GK: variants seen among roughly 807,000 people sequenced by gnomAD.
GK encodes the protein glycerol kinase, also known as ATP:glycerol 3-phosphotransferase.
GK carries 9 observed loss-of-function variants against 56.4 expected under a neutral mutation model. That is an observed-to-expected ratio of 0.16 (90% CI 0.10 to 0.28). GK has a LOEUF of 0.28. Ranked by LOEUF, GK falls within the 10% of genes least tolerant of loss-of-function variation. The pLI is 1.00. For synonymous variants in GK, 104 were observed against 144.1 expected, an observed-to-expected ratio of 0.72 and a Z score of 1.99; for missense variants, 161 against 431.4, an observed-to-expected ratio of 0.37 and a Z score of 5.55.
chrX:30,692,268 A>G (rs1934979606), intron 5 of GK, among the ~76,000 whole-genome samples: 1 of 110,357 alleles, frequency 9.1e-6, no homozygotes, highest in African/African-American at 3.3e-5. Context: ...ACCCTGCCCA[A>G]TCCTCATCCT....
chrX:30,653,951 C>T (rs775512502), intron 1 of GK, among the ~76,000 whole-genome samples: 19 of 112,841 alleles, frequency 1.7e-4, no homozygotes, highest in East Asian at 5.6e-4. Context: ...GACAGGTGGC[C>T]ACATTGACGG....
chrX:30,706,813 C>T (rs1453891650), intron 11 of GK, among the ~76,000 whole-genome samples: 1 of 111,570 alleles, frequency 9.0e-6, no homozygotes, highest in Non-Finnish European at 1.9e-5. Flanking sequence ...ACTCTGTATC[C>T]AGCCTCCCCA....
intron 4 of GK, among the ~76,000 whole-genome samples, chrX:30,690,427 A>G (rs1247651807): frequency 8.9e-6 from 1 of 112,198 alleles, no homozygotes; most frequent in Non-Finnish European, 1.9e-5. Context: ...ACATGAAGTA[A>G]AACAGAAATC....
chrX:30,717,652 A>G (rs1188737060), intron 13 of GK, among the ~76,000 whole-genome samples: 1 of 112,226 alleles, frequency 8.9e-6, no homozygotes, highest in Non-Finnish European at 1.9e-5. Flanking sequence ...GCATGTATTA[A>G]GACATCATTC....
intron 9 of GK, 35 bp downstream of exon 9, chrX:30,697,784 A>G: frequency 9.4e-7 from 1 of 1,069,085 alleles, no homozygotes; most frequent in Non-Finnish European, 1.3e-6. Context: ...GTACCCATTC[A>G]TTTGGAAAAG....
intron 20 of GK, 140 bp downstream of exon 20, chrX:30,727,692 A>T: frequency 2.2e-6 from 1 of 464,255 alleles, no homozygotes; most frequent in South Asian, 3.3e-5. Context: ...AATTAGTTAG[A>T]CCAATTAATC....
chrX:30,693,704 A>G (rs1935100566), intron 5 of GK, among the ~76,000 whole-genome samples: 1 of 110,267 alleles, frequency 9.1e-6, no homozygotes, highest in African/African-American at 3.3e-5. Flanking sequence ...GTGTGCTACT[A>G]TGCCCAGCTA....
At chrX:30,726,691 G>A (rs756574076) in intron 19 of GK, among the ~76,000 whole-genome samples, 5 of 111,638 alleles carry the variant, frequency 4.5e-5, no homozygotes, top group South Asian at 3.7e-4. Flanking sequence ...AATGCTAGTT[G>A]TATTCCTTTA....
intron 3 of GK, chrX:30,672,120 T>G (rs1933552726): frequency 1.1e-5 from 1 of 90,381 alleles, no homozygotes; most frequent in Non-Finnish European, 2.1e-5. Flanking sequence ...GATCATGCCA[T>G]TGTACTCCAG....
intron 16 of GK, among the ~76,000 whole-genome samples, 182 bp downstream of exon 16, chrX:30,720,277 G>A (rs1051760090): frequency 3.6e-5 from 4 of 111,997 alleles, no homozygotes; most frequent in African/African-American, 1.3e-4. Flanking sequence ...TACCTTCTAA[G>A]TTCCTGTTCC....
chrX:30,670,173 G>A (rs1601880840), intron 3 of GK, among the ~76,000 whole-genome samples: 1 of 111,518 alleles, frequency 9.0e-6, no homozygotes, highest in Admixed American at 9.6e-5. Context: ...CAAATAATAG[G>A]CAATCAGTAG....
chrX:30,664,064 ATTT>A (rs763830163), intron 1 of GK, among the ~76,000 whole-genome samples: 2 of 37,404 alleles, frequency 5.3e-5, no homozygotes, highest in Non-Finnish European at 1.1e-4. Context: ...ATCTATATAT[ATTT>A]TATAGATATA....
chrX:30,708,159 A>T (rs1471298143), intron 13 of GK, 25 bp downstream of exon 13: 2 of 749,361 alleles, frequency 2.7e-6, no homozygotes, highest in South Asian at 2.3e-5. Flanking sequence ...ATCAATATGG[A>T]TAATATGACA....
chrX:30,664,608 G>T (rs1007040162), intron 1 of GK, among the ~76,000 whole-genome samples: 1 of 109,704 alleles, frequency 9.1e-6, no homozygotes, highest in East Asian at 2.8e-4. Flanking sequence ...TTTATATCAA[G>T]GGTCAGCAAT....
chrX:30,715,403 A>G (rs1365521280), intron 13 of GK, among the ~76,000 whole-genome samples: 2 of 112,200 alleles, frequency 1.8e-5, no homozygotes, highest in Non-Finnish European at 3.8e-5. Context: ...TTGCCCTGTT[A>G]TAATTTAATT....
chrX:30,704,251 C>A (rs188296427), intron 11 of GK, among the ~76,000 whole-genome samples: 23 of 104,925 alleles, frequency 2.2e-4, no homozygotes, highest in African/African-American at 7.6e-4. Context: ...CCCCTCTCAG[C>A]CTCCTGAGTA....
intron 1 of GK, among the ~76,000 whole-genome samples, chrX:30,663,769 A>G (rs1456003143): frequency 9.3e-6 from 1 of 108,057 alleles, no homozygotes; most frequent in Non-Finnish European, 1.9e-5. Context: ...TAGGCATGGA[A>G]ACACTTTACT....
chrX:30,667,017 GGTGGCGGGCGCCTA>G (rs1387659096), intron 2 of GK, among the ~76,000 whole-genome samples: 1 of 110,747 alleles, frequency 9.0e-6, no homozygotes, highest in Non-Finnish European at 1.9e-5. Context: ...AGCCGGGCGT[GGTGGCGGGCGCCTA>G]TAGTCCCAGC....
rs901753431 is a variant in GK at position 30,731,190 on chromosome X, CAT to C, written c.*2449_*2450del. 5.3e-5 allele frequency: 6 copies of C among 112,168 alleles called. No individual in the cohort carries two copies. The highest frequency in any genetic ancestry group is 1.9e-4 in the African/African-American group (6 of 30,890). The allele number at this position is 112,168 out of a possible 1,213,427, so 9.2% of individuals were successfully genotyped here. ...GGGATATCTTTTGGGTATCTGGTAT[CAT>C]GTGGGAGTGAAGAAAGAAAGTTTTT... On this transcript the variant is annotated 3_prime_UTR_variant, in exon 21 of 21. Coordinates refer to ENST00000427190, the MANE Select transcript of GK (RefSeq NM_001205019.2).
Sources: gnomAD v4.1 joint callset for allele counts (sites outside exome capture counted in the v4.1 genomes callset) on GRCh38, gnomAD v4.1.1 for gene constraint, MANE v1.5 for transcripts, NCBI Gene and HGNC (gene_info 2026-07-23, HGNC 2026-07-21) for gene names.